The following SORCS3 variants were observed in gnomAD, a reference collection of about 807,000 sequenced individuals.
SORCS3 encodes the protein sortilin related VPS10 domain containing receptor 3.
Under a neutral mutation model 146.3 loss-of-function variants are expected in SORCS3, and 57 were observed. The observed-to-expected ratio is 0.39, with a 90% CI of 0.31 to 0.49. SORCS3 has a LOEUF of 0.49. Among genes scored for constraint, SORCS3 ranks in the 20% least tolerant of loss-of-function variants. The probability of loss-of-function intolerance (pLI) is 0.92; values close to 1 mark genes in which losing one functional copy is unlikely to be tolerated. For synonymous variants in SORCS3, 653 were observed against 618.5 expected (o/e 1.06, Z -0.83); for missense variants, 1,341 against 1,575.5 (o/e 0.85, Z 2.52).
intron 5 of SORCS3, among the ~76,000 whole-genome samples, chr10:105,086,848 C>A (rs1257605853): frequency 6.6e-6 from 1 of 152,152 alleles, no homozygotes; most frequent in Non-Finnish European, 1.5e-5. Flanking sequence ...ATTTTTCTCC[C>A]GTTCTGTAGG....
At chr10:104,777,194 T>C (rs542676340) in intron 1 of SORCS3, among the ~76,000 whole-genome samples, 10 of 152,300 alleles carry the variant, frequency 6.6e-5, no homozygotes, top group Admixed American at 3.3e-4. Context: ...GAGGTGACTC[T>C]GAAGATATTC....
intron 1 of SORCS3, among the ~76,000 whole-genome samples, chr10:104,822,430 C>T (rs766986729): frequency 5.9e-5 from 9 of 152,260 alleles, no homozygotes; most frequent in South Asian, 2.1e-4. Context: ...CAAGGAGATA[C>T]GATCAAATGT....
intron 1 of SORCS3, among the ~76,000 whole-genome samples, chr10:104,794,606 A>T (rs111617814): frequency 0.013 from 1,253 of 93,888 alleles, 28 homozygotes; most frequent in African/African-American, 0.062. Context: ...TGTGTGTGTG[A>T]GAGAGAGAGA....
chr10:104,905,730 T>C (rs939145297), intron 2 of SORCS3, among the ~76,000 whole-genome samples: 4 of 152,134 alleles, frequency 2.6e-5, no homozygotes, highest in Admixed American at 2.0e-4. Context: ...GCCGATACGA[T>C]GCTCTCTGAG....
At chr10:104,689,295 C>T (rs1325337836) in intron 1 of SORCS3, among the ~76,000 whole-genome samples, 1 of 152,216 alleles carries the variant, frequency 6.6e-6, no homozygotes, top group African/African-American at 2.4e-5. Flanking sequence ...CCTCTTCCTC[C>T]AGGAAGCCCT....
chr10:105,183,215 C>T (rs1242977157), intron 14 of SORCS3, among the ~76,000 whole-genome samples: 1 of 152,130 alleles, frequency 6.6e-6, no homozygotes, highest in Non-Finnish European at 1.5e-5. Flanking sequence ...TTGGCTAGGG[C>T]CAATTGCCTT....
chr10:105,134,323 CTTA>C (rs1229360766), intron 7 of SORCS3, among the ~76,000 whole-genome samples: 1 of 152,108 alleles, frequency 6.6e-6, no homozygotes, highest in East Asian at 1.9e-4. Flanking sequence ...TAATGACTGT[CTTA>C]TTATTTTTAT....
chr10:104,811,134 G>A (rs1246141620), intron 1 of SORCS3, among the ~76,000 whole-genome samples: 1 of 152,168 alleles, frequency 6.6e-6, no homozygotes, highest in Non-Finnish European at 1.5e-5. Context: ...TATAGGAAGG[G>A]AAAATATTTA....
chr10:104,686,870 CATCT>C (rs1336564794), intron 1 of SORCS3, among the ~76,000 whole-genome samples: 14 of 152,180 alleles, frequency 9.2e-5, no homozygotes, highest in African/African-American at 2.4e-4. Context: ...TCCATGCATC[CATCT>C]GTCAGTCCAC....
rs1564675441 is a variant in SORCS3 at position 104,751,959 on chromosome 10, ATATATAT to A, written c.628-90832_628-90826del. Reference sequence around the variant, plus strand: ...TATATATATATATATATATATATATATATATATATAATAGTTTAGCAGCAGGAATGAG... The same window carrying A: ...TATATATATATATATATATATATATAATAATAGTTTAGCAGCAGGAATGAG... On this transcript the variant is annotated intron_variant, in intron 1 of 26. Coordinates refer to ENST00000369701, the MANE Select transcript of SORCS3 (RefSeq NM_014978.3). Among the ~76,000 whole-genome samples, 809 of 111,988 alleles carry A rather than the reference ATATATAT, an allele frequency of 7.2e-3. 19 individuals are homozygous for A. Among genetic ancestry groups the A allele is most frequent in the African/African-American group, 0.013 (359 of 26,874 alleles). 73.5% of individuals were successfully genotyped at this position (111,988 alleles called of 152,430 possible). A position where few individuals can be genotyped will look rare whatever the true frequency, so the allele number is the denominator to read the frequency against.
At chr10:104,858,731 C>T (rs7096926) in intron 2 of SORCS3, among the ~76,000 whole-genome samples, 73,361 of 151,016 alleles carry the variant, frequency 0.49, 18,470 homozygotes, top group East Asian at 0.84. Context: ...AAGCCATTCT[C>T]CTGCCTCAGC....
Position 105,265,202 on chromosome 10 carries a change from GA to G in SORCS3, c.*1831del, listed in dbSNP as rs2056984763. On this transcript the variant is annotated 3_prime_UTR_variant, in exon 27 of 27. Coordinates refer to ENST00000369701, the MANE Select transcript of SORCS3 (RefSeq NM_014978.3). ...ACTGTAAAAAAAAGACAGTGGTTTT[GA>G]AATTGTTGAAAATAAATGTATTTTT... 6.6e-6 allele frequency: 1 copy of G among 152,554 alleles called. No homozygotes were observed. The highest frequency in any genetic ancestry group is 1.5e-5 in the Non-Finnish European group (1 of 68,038). 9.5% of individuals were successfully genotyped at this position (152,554 alleles called of 1,614,324 possible). A position where few individuals can be genotyped will look rare whatever the true frequency, so the allele number is the denominator to read the frequency against.
At chr10:105,094,436 A>G (rs1016399686) in intron 6 of SORCS3, among the ~76,000 whole-genome samples, 40 of 152,248 alleles carry the variant, frequency 2.6e-4, no homozygotes, top group African/African-American at 8.9e-4. Context: ...TTCTAGTTCT[A>G]TAGCAATTCC....
intron 10 of SORCS3, 152 bp downstream of exon 10, chr10:105,157,436 C>CA: frequency 1.2e-6 from 1 of 823,212 alleles, no homozygotes; most frequent in South Asian, 1.9e-5. Flanking sequence ...TGTGTGGACT[C>CA]AGAGTGCAGC....
intron 4 of SORCS3, among the ~76,000 whole-genome samples, chr10:105,016,155 A>ATATATATATATATATATAT (rs71482443): frequency 4.9e-4 from 50 of 101,300 alleles, no homozygotes; most frequent in African/African-American, 2.1e-3. Flanking sequence ...ATATATATAT[A>ATATATATATATATATATAT]TTTTTTTTTT....
intron 1 of SORCS3, among the ~76,000 whole-genome samples, chr10:104,697,091 A>T (rs546103426): frequency 1.9e-4 from 29 of 152,082 alleles, no homozygotes; most frequent in Non-Finnish European, 3.5e-4. Flanking sequence ...TTTGGTAATC[A>T]TCACATTGAA....
chr10:105,211,993 C>T (rs1026618394), intron 17 of SORCS3, among the ~76,000 whole-genome samples: 2 of 152,046 alleles, frequency 1.3e-5, no homozygotes, highest in South Asian at 4.1e-4. Context: ...GATGTGATGT[C>T]GATATTGCTG....
At chr10:104,866,255 G>T (rs758398654) in intron 2 of SORCS3, among the ~76,000 whole-genome samples, 2 of 152,220 alleles carry the variant, frequency 1.3e-5, no homozygotes, top group African/African-American at 2.4e-5. Flanking sequence ...TGACTATTAT[G>T]TTGGAAAGCT....
At chr10:105,105,293 A>G (rs1443634469) in intron 6 of SORCS3, 104 bp from the exon 7 acceptor site, 1 of 659,200 alleles carries the variant, frequency 1.5e-6, no homozygotes, top group Non-Finnish European at 2.7e-6. Context: ...TGTTATTTTA[A>G]ATTACCTTGT....
Sources: allele counts gnomAD v4.1 joint callset (sites outside exome capture counted in the v4.1 genomes callset), GRCh38; gene constraint gnomAD v4.1.1; transcripts MANE v1.5; gene names NCBI Gene and HGNC (gene_info 2026-07-23, HGNC 2026-07-21).